The following UBR2 variants were observed in gnomAD, a reference collection of about 807,000 sequenced individuals.
UBR2 encodes the protein E3 ubiquitin-protein ligase UBR2.
A neutral mutation model predicts 247.9 loss-of-function variants in UBR2; 92 were observed. That is an observed-to-expected ratio of 0.37 (90% CI 0.31 to 0.44). The LOEUF (loss-of-function observed/expected upper bound fraction) is 0.44, where lower values mean the gene tolerates loss of function less well. Ranked by LOEUF, UBR2 falls within the 20% of genes least tolerant of loss-of-function variation. UBR2 has a pLI of 1.00. For missense variants in UBR2, 1,613 were observed against 2,112.6 expected, an observed-to-expected ratio of 0.76 and a Z score of 4.64; for synonymous variants, 672 against 693.5, an observed-to-expected ratio of 0.97 and a Z score of 0.49.
At chr6:42,592,444 G>A (rs187461519) in intron 3 of UBR2, among the ~76,000 whole-genome samples, 143 of 152,158 alleles carry the variant, frequency 9.4e-4, no homozygotes, top group African/African-American at 2.9e-3. Flanking sequence ...AGATAATAGA[G>A]ATATCAGCTC....
At chr6:42,626,005 G>A (rs956332368) in intron 11 of UBR2, among the ~76,000 whole-genome samples, 12 of 151,384 alleles carry the variant, frequency 7.9e-5, no homozygotes, top group African/African-American at 1.5e-4. Flanking sequence ...TAGTAGAGCC[G>A]GGGTTTCACC....
At chr6:42,568,743 TAAAA>T (rs1790932684) in intron 1 of UBR2, among the ~76,000 whole-genome samples, 1 of 151,968 alleles carries the variant, frequency 6.6e-6, no homozygotes, top group Non-Finnish European at 1.5e-5. Context: ...AAAAAAATAA[TAAAA>T]ATAAAATATT....
chr6:42,681,457 G>T (rs1043913066), intron 42 of UBR2, among the ~76,000 whole-genome samples: 1 of 152,060 alleles, frequency 6.6e-6, no homozygotes, highest in Non-Finnish European at 1.5e-5. Context: ...GGCTTAAATA[G>T]GCATTTCTCC....
At chr6:42,651,651 C>T (rs940091535) in intron 23 of UBR2, among the ~76,000 whole-genome samples, 3 of 151,990 alleles carry the variant, frequency 2.0e-5, no homozygotes, top group Admixed American at 1.3e-4. Flanking sequence ...CCACCACGCC[C>T]AGCCAATTTT....
At chr6:42,588,604 G>A (rs1792448234) in intron 2 of UBR2, among the ~76,000 whole-genome samples, 1 of 152,190 alleles carries the variant, frequency 6.6e-6, no homozygotes, top group South Asian at 2.1e-4. Flanking sequence ...GTTTAAGGTT[G>A]CAGTGAGCTG....
intron 42 of UBR2, among the ~76,000 whole-genome samples, chr6:42,681,073 G>T (rs896106272): frequency 6.0e-5 from 9 of 150,304 alleles, no homozygotes; most frequent in African/African-American, 2.2e-4. Flanking sequence ...TGAGGCAGGA[G>T]AATGGCGTGA....
At chr6:42,571,599 C>T (rs999589117) in intron 1 of UBR2, among the ~76,000 whole-genome samples, 1 of 151,442 alleles carries the variant, frequency 6.6e-6, no homozygotes, top group Non-Finnish European at 1.5e-5. Flanking sequence ...AAAAATTAGC[C>T]GCGTGTGGTG....
intron 11 of UBR2, among the ~76,000 whole-genome samples, chr6:42,625,602 A>G (rs1035358700): frequency 6.6e-6 from 1 of 151,830 alleles, no homozygotes; most frequent in Non-Finnish European, 1.5e-5. Context: ...GGCATGCACC[A>G]CCACACTCGG....
chr6:42,677,495 C>T (rs1798781283), intron 40 of UBR2, among the ~76,000 whole-genome samples: 1 of 152,120 alleles, frequency 6.6e-6, no homozygotes, highest in African/African-American at 2.4e-5. Flanking sequence ...ATGGACACTC[C>T]AGCCAGGCAC....
chr6:42,606,513 A>G, intron 6 of UBR2, 76 bp from the exon 7 acceptor site: 1 of 1,249,830 alleles, frequency 8.0e-7, no homozygotes, highest in Non-Finnish European at 1.2e-6. Context: ...ATGCTTAAAC[A>G]TGTTTGTTTA....
intron 45 of UBR2, among the ~76,000 whole-genome samples, chr6:42,689,000 G>T (rs1037047955): frequency 6.6e-6 from 1 of 152,204 alleles, no homozygotes; most frequent in Non-Finnish European, 1.5e-5. Flanking sequence ...ATCAGGGAAG[G>T]CTTCCTAAGA....
chr6:42,636,524 C>T (rs1350520020), intron 14 of UBR2, among the ~76,000 whole-genome samples: 1 of 152,132 alleles, frequency 6.6e-6, no homozygotes, highest in Admixed American at 6.5e-5. Flanking sequence ...AGATTACCAT[C>T]TCTCTATTAA....
rs773512871 is a variant in UBR2 at position 42,641,567 on chromosome 6, T to A, written c.1921-15T>A. ...TTTTTTTTGTTTTCTGTTTTTTTAT[T>A]TTTTGTATATATAGAGTGAACTTAG... On this transcript the variant is annotated splice_polypyrimidine_tract_variant and intron_variant, in intron 16 of 46. Transcript: ENST00000372901. The A allele has an allele frequency of 1.9e-6, 3 of 1,568,900 alleles. No individual in the cohort carries two copies. In the African/African-American group the frequency reaches 4.2e-5, roughly 22 times the overall value.
intron 11 of UBR2, among the ~76,000 whole-genome samples, chr6:42,623,285 A>C (rs2151945167): frequency 6.6e-6 from 1 of 152,212 alleles, no homozygotes; most frequent in South Asian, 2.1e-4. Context: ...AATTTTCTCT[A>C]TTCCTAGTTT....
chr6:42,595,718 T>TAAAA (rs11452412), intron 4 of UBR2, among the ~76,000 whole-genome samples: 7 of 132,096 alleles, frequency 5.3e-5, no homozygotes, highest in Non-Finnish European at 1.2e-4. Flanking sequence ...ACCCTGTCTT[T>TAAAA]AAAAAAAAAA....
In UBR2 at chr6:42,606,590, G is replaced by T. The variant is rs759768133; in HGVS notation, c.803G>T (p.Gly268Val). The change falls in exon 7 of 47, where the codon GGG becomes GTG. Residue 268 changes from glycine (G) to valine (V), a missense_variant and splice_region_variant. Transcript: ENST00000372901. ...IGFATTVDRD[G>V]RRSVRYGDFQ... is the part of the protein sequence containing the mutation. The stretch of plus-strand genomic sequence containing the variant: ...GCTTAATTTTAAATATCTTTACAGG[G>T]GCGTAGGTCTGTTCGATATGGAGAT... The T allele has an allele frequency of 6.2e-7, 1 of 1,610,092 alleles. No individual in the cohort carries two copies. Among genetic ancestry groups the T allele is most frequent in the South Asian group, 1.1e-5 (1 of 90,094 alleles).
intron 2 of UBR2, among the ~76,000 whole-genome samples, chr6:42,574,616 C>A (rs1006386343): frequency 8.6e-5 from 13 of 151,824 alleles, no homozygotes; most frequent in Admixed American, 6.6e-5. Flanking sequence ...GAATAAAGTG[C>A]CTTGTCCCCT....
At chr6:42,600,741 G>A (rs1228671438) in intron 4 of UBR2, among the ~76,000 whole-genome samples, 2 of 151,868 alleles carry the variant, frequency 1.3e-5, no homozygotes, top group Non-Finnish European at 2.9e-5. Context: ...CAAGATCATG[G>A]CTCACTTTAG....
intron 4 of UBR2, among the ~76,000 whole-genome samples, chr6:42,598,185 T>G (rs1322785453): frequency 6.6e-6 from 1 of 152,156 alleles, no homozygotes; most frequent in African/African-American, 2.4e-5. Context: ...CCAAATCTTG[T>G]CCACAACCTG....
Sources: allele counts gnomAD v4.1 joint callset (sites outside exome capture counted in the v4.1 genomes callset), GRCh38; gene constraint gnomAD v4.1.1; transcripts MANE v1.5; gene names NCBI Gene and HGNC (gene_info 2026-07-23, HGNC 2026-07-21).